Variants in FAM217A observed in about 807,000 individuals in gnomAD.
FAM217A encodes the protein family with sequence similarity 217 member A, also known as protein FAM217A.
FAM217A carries 13 observed loss-of-function variants against 18.5 expected under a neutral mutation model. The ratio of observed to expected loss-of-function variants is 0.70; its 90% CI spans 0.46 to 1.12. FAM217A has a LOEUF of 1.12. Among genes scored for constraint, FAM217A ranks in the 50% most tolerant of loss-of-function variants. The probability of loss-of-function intolerance (pLI) is 0.00; values close to 1 mark genes in which losing one functional copy is unlikely to be tolerated. For missense variants in FAM217A, 560 were observed against 575.4 expected (o/e 0.97, Z 0.27); for synonymous variants, 161 against 202.8 (o/e 0.79, Z 1.75).
Position 4,069,758 on chromosome 6 carries a change from A to C in FAM217A, c.465T>G (p.Asp155Glu). The C allele has an allele frequency of 4.3e-6, 7 of 1,614,158 alleles. No individual in the cohort carries two copies. The highest frequency in any genetic ancestry group is 5.9e-6 in the Non-Finnish European group (7 of 1,180,016). The change falls in exon 7 of 7, where the codon GAT becomes GAG. Residue 155 changes from aspartate to glutamate, a missense_variant. Transcript: ENST00000274673. ...CATTTCTGTTCTTAAAAAAGTCTCCATCAGCATAGGGCCAGCAGAGACCTA... is the reference window on the plus strand; with the variant it reads ...CATTTCTGTTCTTAAAAAAGTCTCCCTCAGCATAGGGCCAGCAGAGACCTA... ...MPLGLCWPYADGDFFKNRNEI... is the reference protein window; with the variant it reads ...MPLGLCWPYAEGDFFKNRNEI...
chr6:4,084,443 C>G, intron 2 of FAM217A: 2 of 595,698 alleles, frequency 3.4e-6, no homozygotes, highest in East Asian at 2.7e-5. Flanking sequence ...TGATTTAAGA[C>G]TTGATTTCTG....
upstream of FAM217A, chr6:4,079,620 C>CCCCCCCGCCT (rs1770130602): frequency 8.0e-7 from 1 of 1,251,434 alleles, no homozygotes; most frequent in East Asian, 5.7e-5. Context: ...CGGGGCCCGG[C>CCCCCCCGCCT]CCACCCGCCT....
rs763547836 is a variant in FAM217A at position 4,077,497 on chromosome 6, A to T, written c.-34-49T>A. On this transcript the variant is annotated intron_variant, in intron 1 of 6. Transcript: ENST00000274673. ...CATTTATGGGTAAGGGTCAACATTTATAAAAAAGAAAGTGTGAGTTTTGAT... is the reference window on the plus strand; with the variant it reads ...CATTTATGGGTAAGGGTCAACATTTTTAAAAAAGAAAGTGTGAGTTTTGAT... 9.1e-6 allele frequency: 13 copies of T among 1,422,292 alleles called. No homozygotes were observed. In the South Asian group the frequency reaches 1.1e-4, roughly 13 times the overall value. 88.1% of individuals were successfully genotyped at this position (1,422,292 alleles called of 1,614,324 possible). A position where few individuals can be genotyped will look rare whatever the true frequency, so the allele number is the denominator to read the frequency against.
chr6:4,083,555 T>G (rs547089919), upstream of FAM217A, among the ~76,000 whole-genome samples: 1 of 147,740 alleles, frequency 6.8e-6, no homozygotes, highest in South Asian at 2.1e-4. Context: ...TTCTTTTCTT[T>G]TCTTTTTTTT....
intron 1 of FAM217A, among the ~76,000 whole-genome samples, chr6:4,078,455 TTAGG>T (rs1202481664): frequency 6.6e-6 from 1 of 152,094 alleles, no homozygotes; most frequent in African/African-American, 2.4e-5. Flanking sequence ...GAGATTTAGT[TTAGG>T]TAGGTTTTCA....
intron 2 of FAM217A, 148 bp downstream of exon 2, chr6:4,077,207 T>C (rs2113875076): frequency 1.5e-6 from 1 of 678,268 alleles, no homozygotes. Flanking sequence ...CCATTTGCTG[T>C]TCCAAATGTG....
intron 1 of FAM217A, among the ~76,000 whole-genome samples, chr6:4,085,689 T>C (rs1223894879): frequency 6.6e-6 from 1 of 152,222 alleles, no homozygotes; most frequent in Non-Finnish European, 1.5e-5. Context: ...AAAACACCTG[T>C]AAAATTATGA....
chr6:4,068,465 T>G lies in FAM217A; in HGVS notation c.*231A>C. 2.4e-6 allele frequency: 1 copy of G among 413,188 alleles called. No individual in the cohort carries two copies. Among genetic ancestry groups the G allele is most frequent in the African/African-American group, 2.0e-5 (1 of 49,004 alleles). The allele number at this position is 413,188 out of a possible 1,614,324, so 25.6% of individuals were successfully genotyped here. On this transcript the variant is annotated 3_prime_UTR_variant, in exon 7 of 7. Coordinates refer to ENST00000274673, the MANE Select transcript of FAM217A (RefSeq NM_173563.3). ...TAGTCTACCAAGTGAACCATTTACT[T>G]GAAACACAACATGCAAAAGATTGTG...
At chr6:4,075,227 G>A (rs1337367886) in intron 2 of FAM217A, among the ~76,000 whole-genome samples, 8 of 152,122 alleles carry the variant, frequency 5.3e-5, no homozygotes, top group African/African-American at 1.7e-4. Flanking sequence ...CCAGCTGTTC[G>A]GGAGGCTGAG....
chr6:4,076,853 G>A (rs1454341297), intron 2 of FAM217A, among the ~76,000 whole-genome samples: 1 of 152,184 alleles, frequency 6.6e-6, no homozygotes. Context: ...GGGAGACAGA[G>A]GAAGACTAAG....
At chr6:4,077,087 T>C (rs1351472107) in intron 2 of FAM217A, among the ~76,000 whole-genome samples, 4 of 152,260 alleles carry the variant, frequency 2.6e-5, no homozygotes, top group Non-Finnish European at 5.9e-5. Flanking sequence ...GAGCACTGCC[T>C]GGTTGATAAC....
At position 4,073,269 on chromosome 6, in the gene FAM217A, G is replaced by A. The variant is rs748030127; in HGVS notation, c.302+6C>T. On this transcript the variant is annotated splice_donor_region_variant and intron_variant, in intron 6 of 6. Coordinates refer to ENST00000274673, the MANE Select transcript of FAM217A (RefSeq NM_173563.3). Reference sequence around the variant, plus strand: ...TTAGGGTGTTACAAAATAACTACTCGCTTACCTCTTCTCTATGGTACTTCC... The same window carrying A: ...TTAGGGTGTTACAAAATAACTACTCACTTACCTCTTCTCTATGGTACTTCC... 8.7e-5 allele frequency: 139 copies of A among 1,591,168 alleles called. 2 individuals are homozygous for A. Among genetic ancestry groups the A allele is most frequent in the Non-Finnish European group, 1.1e-4 (123 of 1,169,716 alleles).
chr6:4,085,359 GTTTA>G (rs1770592381), intron 1 of FAM217A, among the ~76,000 whole-genome samples: 1 of 150,472 alleles, frequency 6.6e-6, no homozygotes, highest in African/African-American at 2.4e-5. Flanking sequence ...CCATCTGATA[GTTTA>G]TTTAAAAACA....
chr6:4,073,456 C>G lies in FAM217A; in HGVS notation c.211G>C (p.Val71Leu), dbSNP rs1211163854. Residue 71 changes from valine to leucine, a missense_variant, in exon 5 of 7, where the codon GTG (valine) becomes CTG (leucine). By Grantham distance (32) the Val-to-Leu change is conservative. Transcript: ENST00000274673. ...EQLMLEPNLS[V>L]HSQKSTQNSK... ...ACCTGTGTACTTTTTTGACTATGCA[C>G]CGACAAATTAGGTTCTAGCATCAGT... is the stretch of plus-strand genomic sequence containing the variant. 1.2e-6 allele frequency: 2 copies of G among 1,613,324 alleles called. No homozygotes were observed. Among genetic ancestry groups the G allele is most frequent in the Middle Eastern group, 1.7e-4 (1 of 6,044 alleles).
chr6:4,078,211 G>C (rs1210453161), intron 1 of FAM217A, among the ~76,000 whole-genome samples: 1 of 151,706 alleles, frequency 6.6e-6, no homozygotes, highest in Non-Finnish European at 1.5e-5. Flanking sequence ...GCACCACTAC[G>C]CCCAGCTAAT....
chr6:4,076,921 C>T (rs1483520005), intron 2 of FAM217A, among the ~76,000 whole-genome samples: 2 of 152,080 alleles, frequency 1.3e-5, no homozygotes, highest in Non-Finnish European at 2.9e-5. Flanking sequence ...TTAACATAAC[C>T]AAATTGATCA....
In FAM217A at chr6:4,069,166, T is replaced by C. The variant is rs2113850568; in HGVS notation, c.1057A>G (p.Ser353Gly). 1 of 1,613,630 alleles carries C rather than the reference T, an allele frequency of 6.2e-7. No homozygotes were observed. The highest frequency in any genetic ancestry group is 8.5e-7 in the Non-Finnish European group (1 of 1,179,788). Residue 353 changes from serine (S) to glycine (G), a missense_variant, in exon 7 of 7, where the codon AGT becomes GGT. Ser to Gly is a moderately conservative substitution (Grantham distance 56). Coordinates refer to ENST00000274673, the MANE Select transcript of FAM217A (RefSeq NM_173563.3). ...IPCVDKSQEKSKNNSGSCKLE... is the reference protein window; with the variant it reads ...IPCVDKSQEKGKNNSGSCKLE... The stretch of plus-strand genomic sequence containing the variant: ...TTACAAGAACCAGAGTTGTTTTTAC[T>C]TTTTTCTTGACTTTTATCTACACAA...
rs191385909 is a variant in FAM217A at position 4,078,578 on chromosome 6, G to A, written c.-35+274C>T. Among the ~76,000 whole-genome samples the A allele has an allele frequency of 1.1e-3, 171 of 152,302 alleles. 1 individual carries two copies. Among genetic ancestry groups the A allele is most frequent in the Admixed American group, 6.1e-3 (94 of 15,304 alleles). ...GGCGCTGCCTGGGGCCACCGGGTGT[G>A]TGTCAAGAAGGAGGGCATCCAGCTC... is the stretch of plus-strand genomic sequence containing the variant. On this transcript the variant is annotated intron_variant, in intron 1 of 6. Transcript: ENST00000274673.
chr6:4,084,287 A>T (rs1213084068), intron 2 of FAM217A, among the ~76,000 whole-genome samples: 2 of 152,254 alleles, frequency 1.3e-5, no homozygotes, highest in African/African-American at 4.8e-5. Flanking sequence ...TTTAAAAACT[A>T]TTCCTGGAAC....
Sources: gnomAD v4.1 joint callset for allele counts (sites outside exome capture counted in the v4.1 genomes callset) on GRCh38, gnomAD v4.1.1 for gene constraint, MANE v1.5 for transcripts, NCBI Gene and HGNC (gene_info 2026-07-23, HGNC 2026-07-21) for gene names.